Variants in L3MBTL4 observed in about 807,000 individuals in gnomAD.
L3MBTL4 encodes L3MBTL histone methyl-lysine binding protein 4.
Under a neutral mutation model 84.5 loss-of-function variants are expected in L3MBTL4, and 70 were observed. The ratio of observed to expected loss-of-function variants is 0.83; its 90% CI spans 0.68 to 1.01. The LOEUF (loss-of-function observed/expected upper bound fraction) is 1.01. Ranked by LOEUF, L3MBTL4 falls within the 50% of genes least tolerant of loss-of-function variation. L3MBTL4 has a pLI of 0.00. For synonymous variants in L3MBTL4, 274 were observed against 259.8 expected (o/e 1.05, Z -0.52); for missense variants, 715 against 754.8 (o/e 0.95, Z 0.62).
chr18:6,100,674 C>G (rs1301536215), intron 14 of L3MBTL4, among the ~76,000 whole-genome samples: 1 of 152,318 alleles, frequency 6.6e-6, no homozygotes, highest in South Asian at 2.1e-4. Context: ...CTCGTAGTTG[C>G]CATGTGGAGG....
intron 1 of L3MBTL4, among the ~76,000 whole-genome samples, chr18:6,387,206 G>A (rs186535666): frequency 6.6e-6 from 1 of 152,240 alleles, no homozygotes; most frequent in East Asian, 1.9e-4. Context: ...GAACCTCCAG[G>A]GGAAGCTGAA....
intron 13 of L3MBTL4, among the ~76,000 whole-genome samples, chr18:6,162,981 T>C (rs187119153): frequency 2.6e-4 from 39 of 152,166 alleles, no homozygotes; most frequent in Admixed American, 2.4e-3. Flanking sequence ...AGTCTCAGGT[T>C]GATAGGATAC....
chr18:6,203,927 G>A (rs965332760), intron 12 of L3MBTL4, among the ~76,000 whole-genome samples: 10 of 152,156 alleles, frequency 6.6e-5, no homozygotes, highest in African/African-American at 2.2e-4. Flanking sequence ...CTGCCACATG[G>A]CTGCCCTAAG....
chr18:6,135,977 T>C (rs1272091497), intron 14 of L3MBTL4, among the ~76,000 whole-genome samples: 1 of 152,188 alleles, frequency 6.6e-6, no homozygotes, highest in Non-Finnish European at 1.5e-5. Context: ...CAGTTCCACA[T>C]GGCTGGGGAA....
At chr18:6,010,640 T>A (rs2054689829) in intron 16 of L3MBTL4, among the ~76,000 whole-genome samples, 1 of 152,200 alleles carries the variant, frequency 6.6e-6, no homozygotes, top group African/African-American at 2.4e-5. Context: ...AATGGAAATA[T>A]CCTCCCCGCA....
At chr18:6,156,547 C>T (rs2043112266) in intron 13 of L3MBTL4, among the ~76,000 whole-genome samples, 1 of 152,156 alleles carries the variant, frequency 6.6e-6, no homozygotes, top group African/African-American at 2.4e-5. Context: ...CCATGGAAGG[C>T]ATCATTGTCT....
chr18:6,200,799 C>T (rs2045616854), intron 12 of L3MBTL4, among the ~76,000 whole-genome samples: 1 of 152,140 alleles, frequency 6.6e-6, no homozygotes, highest in African/African-American at 2.4e-5. Context: ...TAGAGAAACA[C>T]CAATGAATTC....
chr18:6,318,136 C>T (rs547724057), intron 1 of L3MBTL4, among the ~76,000 whole-genome samples: 38 of 152,122 alleles, frequency 2.5e-4, no homozygotes, highest in African/African-American at 8.4e-4. Flanking sequence ...GCTCAGTATG[C>T]ACTAGAATAG....
chr18:6,066,098 G>A (rs2057389343), intron 16 of L3MBTL4, among the ~76,000 whole-genome samples: 1 of 151,986 alleles, frequency 6.6e-6, no homozygotes, highest in Non-Finnish European at 1.5e-5. Flanking sequence ...TTTAGACCTT[G>A]ATTTCATTGT....
chr18:6,064,612 T>TC (rs56163114), intron 16 of L3MBTL4, among the ~76,000 whole-genome samples: 10 of 151,562 alleles, frequency 6.6e-5, no homozygotes, highest in Admixed American at 3.3e-4. Flanking sequence ...TTTTTTTTTT[T>TC]CAGCAGCAGT....
intron 10 of L3MBTL4, among the ~76,000 whole-genome samples, chr18:6,216,096 C>T (rs997920467): frequency 1.3e-5 from 2 of 152,226 alleles, no homozygotes; most frequent in Middle Eastern, 3.4e-3. Context: ...GGTCAAAGGC[C>T]ATGTGAGTAC....
chr18:6,062,477 T>A (rs978509280), intron 16 of L3MBTL4, among the ~76,000 whole-genome samples: 1 of 152,026 alleles, frequency 6.6e-6, no homozygotes, highest in African/African-American at 2.4e-5. Context: ...TTTATCCTTC[T>A]TGGTATTCTT....
chr18:6,102,614 G>A (rs1318056801), intron 14 of L3MBTL4, among the ~76,000 whole-genome samples: 1 of 152,114 alleles, frequency 6.6e-6, no homozygotes, highest in African/African-American at 2.4e-5. Flanking sequence ...TAGCCCACTG[G>A]GCTCCTGGTA....
intron 4 of L3MBTL4, among the ~76,000 whole-genome samples, chr18:6,270,593 G>A (rs1172390280): frequency 6.6e-6 from 1 of 152,164 alleles, no homozygotes; most frequent in Non-Finnish European, 1.5e-5. Flanking sequence ...AAAGCTCCCC[G>A]GAGGACAATT....
chr18:6,249,925 T>A (rs1161411791), intron 5 of L3MBTL4, among the ~76,000 whole-genome samples: 2 of 152,180 alleles, frequency 1.3e-5, no homozygotes, highest in Non-Finnish European at 2.9e-5. Flanking sequence ...GCTAGTTTAG[T>A]AGCCTAGTAC....
chr18:6,131,261 C>T (rs2059867377), intron 14 of L3MBTL4, among the ~76,000 whole-genome samples: 1 of 152,170 alleles, frequency 6.6e-6, no homozygotes, highest in African/African-American at 2.4e-5. Flanking sequence ...AGAAAAGCAG[C>T]TGAAATTGCC....
chr18:6,129,092 A>T (rs2059792563), intron 14 of L3MBTL4, among the ~76,000 whole-genome samples: 1 of 152,162 alleles, frequency 6.6e-6, no homozygotes, highest in Admixed American at 6.5e-5. Context: ...CTAAGAGATC[A>T]GGGGCCCAAA....
intron 1 of L3MBTL4, among the ~76,000 whole-genome samples, chr18:6,410,446 C>G (rs1352271963): frequency 6.6e-6 from 1 of 152,134 alleles, no homozygotes; most frequent in African/African-American, 2.4e-5. Context: ...ATAGTCACCC[C>G]CATACACACA....
intron 13 of L3MBTL4, among the ~76,000 whole-genome samples, chr18:6,145,878 A>C (rs1202344503): frequency 6.6e-6 from 1 of 152,218 alleles, no homozygotes; most frequent in Non-Finnish European, 1.5e-5. Context: ...CCAAAGATGG[A>C]ATAAGCCATC....
Sources: allele counts gnomAD v4.1 joint callset (sites outside exome capture counted in the v4.1 genomes callset), GRCh38; gene constraint gnomAD v4.1.1; transcripts MANE v1.5; gene names NCBI Gene and HGNC (gene_info 2026-07-23, HGNC 2026-07-21).